Variants in ROCK2 observed in about 807,000 individuals in gnomAD.
The protein encoded by ROCK2 is rho-associated protein kinase 2.
A neutral mutation model predicts 195.1 loss-of-function variants in ROCK2; 61 were observed. That is an observed-to-expected ratio of 0.31 (90% CI 0.25 to 0.39). The LOEUF (loss-of-function observed/expected upper bound fraction) is 0.39. Among genes scored for constraint, ROCK2 ranks in the 10% least tolerant of loss-of-function variants. The pLI is 1.00. For synonymous variants in ROCK2, 504 were observed against 545.5 expected, an observed-to-expected ratio of 0.92 and a Z score of 1.06; for missense variants, 1,109 against 1,637.4, an observed-to-expected ratio of 0.68 and a Z score of 5.57.
intron 18 of ROCK2, among the ~76,000 whole-genome samples, chr2:11,208,840 G>T (rs1024766130): frequency 6.6e-6 from 1 of 152,032 alleles, no homozygotes; most frequent in Non-Finnish European, 1.5e-5. Context: ...CAATCCACCC[G>T]CCTCGGCCAC....
chr2:11,200,560 T>G (rs1663814393), intron 23 of ROCK2, among the ~76,000 whole-genome samples: 1 of 152,192 alleles, frequency 6.6e-6, no homozygotes, highest in African/African-American at 2.4e-5. Context: ...GACTTTTTAA[T>G]TACCGCAGCA....
chr2:11,317,612 A>ATATATTT (rs59701503), intron 1 of ROCK2, among the ~76,000 whole-genome samples: 11 of 19,306 alleles, frequency 5.7e-4, no homozygotes, highest in African/African-American at 1.4e-3. Flanking sequence ...ATATATATAT[A>ATATATTT]TTTTTTTTTT....
At chr2:11,196,984 G>A (rs1277499409) in intron 27 of ROCK2, among the ~76,000 whole-genome samples, 196 bp downstream of exon 27, 1 of 152,124 alleles carries the variant, frequency 6.6e-6, no homozygotes, top group African/African-American at 2.4e-5. Context: ...TCTTTTGTAT[G>A]TTTATGAAAA....
chr2:11,203,666 C>T (rs1327578090), intron 20 of ROCK2, among the ~76,000 whole-genome samples: 1 of 152,136 alleles, frequency 6.6e-6, no homozygotes, highest in African/African-American at 2.4e-5. Flanking sequence ...TGTTTACTCA[C>T]TGGCTCTTAA....
At chr2:11,343,859 G>T in intron 1 of ROCK2, 137 bp downstream of exon 1, 2 of 1,115,456 alleles carry the variant, frequency 1.8e-6, no homozygotes, top group Non-Finnish European at 2.5e-6. Flanking sequence ...TTGGTCTCCG[G>T]CCCCGGCTGC....
intron 3 of ROCK2, among the ~76,000 whole-genome samples, chr2:11,282,607 C>CAAAAAAAAAAAAAAAAAAAAAA (rs70953381): frequency 4.9e-4 from 61 of 123,348 alleles, no homozygotes; most frequent in Non-Finnish European, 6.8e-4. Context: ...TATCTACATG[C>CAAAAAAAAAAAAAAAAAAAAAA]AAAAAAAAAA....
chr2:11,327,809 C>T (rs181321404), intron 1 of ROCK2, among the ~76,000 whole-genome samples: 3 of 152,194 alleles, frequency 2.0e-5, no homozygotes, highest in Non-Finnish European at 2.9e-5. Context: ...GCTATCTGCC[C>T]ACCTTGGCCT....
chr2:11,277,516 G>C (rs1261395389), intron 3 of ROCK2, among the ~76,000 whole-genome samples: 1 of 152,178 alleles, frequency 6.6e-6, no homozygotes, highest in Non-Finnish European at 1.5e-5. Flanking sequence ...AAAGTCCACT[G>C]TATCATTCTT....
intron 1 of ROCK2, among the ~76,000 whole-genome samples, chr2:11,293,521 T>C (rs1667423024): frequency 6.6e-6 from 1 of 152,176 alleles, no homozygotes; most frequent in Admixed American, 6.5e-5. Flanking sequence ...TTTTATGACT[T>C]TTCCTTGAGC....
At chr2:11,232,260 C>G (rs1441049190) in intron 5 of ROCK2, among the ~76,000 whole-genome samples, 1 of 152,070 alleles carries the variant, frequency 6.6e-6, no homozygotes, top group Non-Finnish European at 1.5e-5. Flanking sequence ...ACCCAAGGAG[C>G]TGGGATTACA....
At chr2:11,306,763 G>C (rs1667871044) in intron 1 of ROCK2, among the ~76,000 whole-genome samples, 1 of 152,200 alleles carries the variant, frequency 6.6e-6, no homozygotes, top group African/African-American at 2.4e-5. Context: ...TTGCCCAAAG[G>C]AGCTTAGTGA....
rs185689239 is a variant in ROCK2 at position 11,283,364 on chromosome 2, T to C, written c.324+3175A>G. 2.8e-4 allele frequency among the ~76,000 whole-genome samples: 42 copies of C among 148,760 alleles called. No homozygotes were observed. The East Asian group carries it at 7.7e-3, about 27-fold the overall frequency. On this transcript the variant is annotated intron_variant, in intron 3 of 32. Transcript: ENST00000315872. Reference sequence around the variant, plus strand: ...TCATGAGGTCAGGAGATCGAGACCATCCTGGCTAACAAGGTGAAACCCCGT... The same window carrying C: ...TCATGAGGTCAGGAGATCGAGACCACCCTGGCTAACAAGGTGAAACCCCGT...
intron 8 of ROCK2, 72 bp downstream of exon 8, chr2:11,222,011 A>G: frequency 2.3e-6 from 2 of 867,598 alleles, no homozygotes; most frequent in Non-Finnish European, 3.8e-6. Flanking sequence ...TATGCTTGTT[A>G]TTTCAAAAAA....
intron 3 of ROCK2, among the ~76,000 whole-genome samples, chr2:11,270,201 A>G (rs909018821): frequency 1.5e-4 from 23 of 152,092 alleles, no homozygotes; most frequent in African/African-American, 5.3e-4. Flanking sequence ...ATGGTTTCTG[A>G]GGAGAAGTCA....
At chr2:11,244,894 C>G (rs1665558022) in intron 4 of ROCK2, among the ~76,000 whole-genome samples, 1 of 151,946 alleles carries the variant, frequency 6.6e-6, no homozygotes, top group Non-Finnish European at 1.5e-5. Flanking sequence ...GTATGCTTCC[C>G]TATTATGTCT....
intron 4 of ROCK2, among the ~76,000 whole-genome samples, chr2:11,247,944 T>G (rs1198802952): frequency 6.6e-6 from 1 of 151,258 alleles, no homozygotes; most frequent in Admixed American, 6.6e-5. Flanking sequence ...ATCGCTTGAA[T>G]CCAGGAGGTG....
At chr2:11,213,089 T>C (rs1243778554) in intron 17 of ROCK2, among the ~76,000 whole-genome samples, 1 of 152,222 alleles carries the variant, frequency 6.6e-6, no homozygotes, top group Admixed American at 6.5e-5. Flanking sequence ...TGCTGCCAAA[T>C]ATTCCTCTTC....
At chr2:11,298,236 G>A (rs1238273827) in intron 1 of ROCK2, among the ~76,000 whole-genome samples, 6 of 152,054 alleles carry the variant, frequency 3.9e-5, no homozygotes, top group African/African-American at 1.2e-4. Context: ...TTGGGAGGCC[G>A]TGGCAGGCAA....
intron 3 of ROCK2, among the ~76,000 whole-genome samples, chr2:11,271,124 G>A (rs1666612442): frequency 6.6e-6 from 1 of 152,078 alleles, no homozygotes; most frequent in South Asian, 2.1e-4. Context: ...GGCTGGAGTT[G>A]TGTATTAACC....
Sources: gnomAD v4.1 joint callset for allele counts (sites outside exome capture counted in the v4.1 genomes callset) on GRCh38, gnomAD v4.1.1 for gene constraint, MANE v1.5 for transcripts, NCBI Gene and HGNC (gene_info 2026-07-23, HGNC 2026-07-21) for gene names.